The following IRS2 variants were observed in gnomAD, a reference collection of about 807,000 sequenced individuals.
The protein encoded by IRS2 is insulin receptor substrate 2.
IRS2 carries 28 observed loss-of-function variants against 70.9 expected under a neutral mutation model. That is an observed-to-expected ratio of 0.39 (90% CI 0.29 to 0.54). The LOEUF (loss-of-function observed/expected upper bound fraction) is 0.54. Ranked by LOEUF, IRS2 falls within the 20% of genes least tolerant of loss-of-function variation. IRS2 has a pLI of 0.59. For missense variants in IRS2, 2,081 were observed against 2,024.1 expected, an observed-to-expected ratio of 1.03 and a Z score of -0.54; for synonymous variants, 1,217 against 981.9, an observed-to-expected ratio of 1.24 and a Z score of -4.48.
Position 109,754,349 on chromosome 13 carries a change from C to T in IRS2, c.*1955G>A, listed in dbSNP as rs775498762. The T allele has an allele frequency of 2.3e-5, 5 of 215,836 alleles. No individual in the cohort carries two copies. The highest frequency in any genetic ancestry group is 7.0e-5 in the East Asian group (1 of 14,342). The allele number at this position is 215,836 out of a possible 1,614,324, so 13.4% of individuals were successfully genotyped here. On this transcript the variant is annotated 3_prime_UTR_variant, in exon 2 of 2. Coordinates refer to ENST00000375856, the MANE Select transcript of IRS2 (RefSeq NM_003749.3). ...CTTGTTTTAAGCTGCAGTATGAACA[C>T]GAACCATCTGTATAGTGTCATGACT... is the stretch of plus-strand genomic sequence containing the variant.
intron 1 of IRS2, among the ~76,000 whole-genome samples, chr13:109,781,639 CGGTCCGGACCCGAGGTCCTTCCAGA>C (rs1359373773): frequency 6.6e-6 from 1 of 152,176 alleles, no homozygotes; most frequent in Non-Finnish European, 1.5e-5. Flanking sequence ...CTGAGGGCAG[CGGTCCGGACCCGAGGTCCTTCCAGA>C]AGGACGGACC....
intron 1 of IRS2, among the ~76,000 whole-genome samples, chr13:109,757,876 T>A (rs971773575): frequency 2.0e-5 from 3 of 152,140 alleles, no homozygotes; most frequent in Non-Finnish European, 4.4e-5. Flanking sequence ...GAGACGGGGT[T>A]TCACCATGCT....
intron 1 of IRS2, among the ~76,000 whole-genome samples, chr13:109,769,045 T>C (rs1038261728): frequency 1.3e-5 from 2 of 152,246 alleles, no homozygotes; most frequent in African/African-American, 4.8e-5. Context: ...AAACTTGTGC[T>C]TTTGTTTTGC....
rs748357916 is a variant in IRS2 at position 109,783,880 on chromosome 13, C to A, written c.2174G>T (p.Gly725Val). 5.4e-5 allele frequency: 83 copies of A among 1,549,588 alleles called. No homozygotes were observed. Among genetic ancestry groups the A allele is most frequent in the Admixed American group, 3.7e-4 (19 of 51,244 alleles). Residue 725 changes from glycine to valine, a missense_variant, in exon 1 of 2, where the codon GGC becomes GTC. Gly to Val is a moderately radical substitution (Grantham distance 109). Transcript: ENST00000375856. ...GGCGGGCGAGCTGGCCTTGTAGCCG[C>A]CCCCGCTCGCCGGGAATGTCCTGCC... ...AAGRTFPASG[G>V]GYKASSPAES...
intron 1 of IRS2, among the ~76,000 whole-genome samples, chr13:109,768,566 C>A (rs575305952): frequency 4.3e-4 from 65 of 152,346 alleles, no homozygotes; most frequent in Non-Finnish European, 5.9e-4. Flanking sequence ...TTTTCATTTC[C>A]AAATTAGCTG....
At chr13:109,761,087 T>A (rs1214583025) in intron 1 of IRS2, among the ~76,000 whole-genome samples, 1 of 152,222 alleles carries the variant, frequency 6.6e-6, no homozygotes, top group African/African-American at 2.4e-5. Context: ...TACATTTCGA[T>A]GTTCAAAATC....
intron 1 of IRS2, among the ~76,000 whole-genome samples, chr13:109,773,665 A>T (rs1024489875): frequency 1.3e-5 from 2 of 152,214 alleles, no homozygotes; most frequent in Non-Finnish European, 2.9e-5. Context: ...CACCGTCCAC[A>T]TAGTCATGAA....
rs773985290 is a variant in IRS2, at chr13:109,784,079, C to T, written c.1975G>A (p.Gly659Ser). 6.3e-6 allele frequency: 10 copies of T among 1,580,404 alleles called. No individual in the cohort carries two copies. The East Asian group carries it at 2.1e-4, about 32-fold the overall frequency. ...ADDGYMPMTP[G>S]AALAGSGSGS... ...CTCCCACTGCCCGCGAGGGCCGCGCCGGGCGTCATGGGCATGTAGCCGTCG... is the reference window on the plus strand; with the variant it reads ...CTCCCACTGCCCGCGAGGGCCGCGCTGGGCGTCATGGGCATGTAGCCGTCG... The change falls in exon 1 of 2, where the codon GGC becomes AGC. Residue 659 changes from glycine to serine, a missense_variant. By Grantham distance (56) the Gly-to-Ser change is moderately conservative. Around this residue, in one of 4 missense-constraint regions of IRS2, gnomAD observed 1,615 missense variants for 1,459.5 expected, o/e 1.11. Transcript: ENST00000375856. This position sits in a 1 kb window ranked among gnomAD's most constrained non-coding sequence, Gnocchi z 5.2.
intron 1 of IRS2, among the ~76,000 whole-genome samples, chr13:109,756,599 T>C (rs1410079687): frequency 6.6e-6 from 1 of 152,230 alleles, no homozygotes; most frequent in African/African-American, 2.4e-5. Flanking sequence ...TGAATCATTC[T>C]GTCGAACAAG....
At chr13:109,778,225 TG>T (rs1439138983) in intron 1 of IRS2, among the ~76,000 whole-genome samples, 1 of 152,184 alleles carries the variant, frequency 6.6e-6, no homozygotes, top group Non-Finnish European at 1.5e-5. Flanking sequence ...ACAGGGAAAG[TG>T]AGAAGGCAGG....
intron 1 of IRS2, among the ~76,000 whole-genome samples, chr13:109,768,374 C>G (rs551369495): frequency 1.3e-5 from 2 of 152,322 alleles, no homozygotes; most frequent in East Asian, 3.9e-4. Flanking sequence ...CTTTCCTCAC[C>G]AGCAGGCTAA....
intron 1 of IRS2, among the ~76,000 whole-genome samples, chr13:109,765,105 C>G (rs1052398541): frequency 6.6e-6 from 1 of 152,134 alleles, no homozygotes; most frequent in African/African-American, 2.4e-5. Context: ...ACAGGCTGGG[C>G]TCCGCCTGGT....
intron 1 of IRS2, among the ~76,000 whole-genome samples, chr13:109,764,941 A>C (rs1229683394): frequency 1.3e-5 from 2 of 152,242 alleles, no homozygotes; most frequent in African/African-American, 2.4e-5. Context: ...AAAGCTGCAA[A>C]GAGTGCCTTT....
chr13:109,772,688 A>T (rs1443597948), intron 1 of IRS2, among the ~76,000 whole-genome samples: 11 of 130,900 alleles, frequency 8.4e-5, no homozygotes, highest in South Asian at 2.5e-4. Context: ...TGCCTATTAC[A>T]TTTTTTTTTT....
rs375324802 is a variant in IRS2, at chr13:109,755,214, C to CTT, written c.*1088_*1089dup. On this transcript the variant is annotated 3_prime_UTR_variant, in exon 2 of 2. Transcript: ENST00000375856. The stretch of plus-strand genomic sequence containing the variant: ...CTCTTTTTATCAGTTTCTTTCTTTC[C>CTT]TTTTTTTTTTTTCTTTTTGTTTTTT... 0.66 allele frequency: 136,605 copies of CTT among 208,284 alleles called. 39,836 individuals carry two copies. The highest frequency in any genetic ancestry group is 0.77 in the Admixed American group (12,364 of 16,066). 12.9% of individuals were successfully genotyped at this position (208,284 alleles called of 1,614,324 possible).
chr13:109,762,188 A>G (rs1203570017), intron 1 of IRS2, among the ~76,000 whole-genome samples: 1 of 152,222 alleles, frequency 6.6e-6, no homozygotes, highest in African/African-American at 2.4e-5. Context: ...TGCCATGTGC[A>G]TGAAGTGAGC....
intron 1 of IRS2, among the ~76,000 whole-genome samples, chr13:109,775,404 C>A (rs906591569): frequency 2.0e-5 from 3 of 152,016 alleles, no homozygotes; most frequent in Admixed American, 2.0e-4. Context: ...CAGGCATGAG[C>A]CACCAAGCTC....
rs2138936711 is a variant in IRS2, at chr13:109,784,750, A to G, written c.1304T>C (p.Val435Ala). The change falls in exon 1 of 2, where the codon GTG becomes GCG. Residue 435 changes from valine (V) to alanine (A), a missense_variant. Physicochemically the swap from Val to Ala is moderately conservative, Grantham distance 64. Around this residue, in one of 4 missense-constraint regions of IRS2, gnomAD observed 1,615 missense variants for 1,459.5 expected, o/e 1.11. Coordinates refer to ENST00000375856, the MANE Select transcript of IRS2 (RefSeq NM_003749.3). This position sits in a 1 kb window ranked among gnomAD's most constrained non-coding sequence, Gnocchi z 5.2. ...GGTGGCGGCGGGCGGCGAGTGCGCC[A>G]CGGGCATGGACATGGAGCGGCTGTG... ...LQHSRSMSMP[V>A]AHSPPAATSP... 1 of 1,230,606 alleles carries G rather than the reference A, an allele frequency of 8.1e-7. No homozygotes were observed. Among genetic ancestry groups the G allele is most frequent in the Non-Finnish European group, 1.0e-6 (1 of 986,808 alleles). The allele number at this position is 1,230,606 out of a possible 1,614,324, so 76.2% of individuals were successfully genotyped here. A position where few individuals can be genotyped will look rare whatever the true frequency, so the allele number is the denominator to read the frequency against.
Position 109,774,107 on chromosome 13 carries a change from C to G in IRS2, c.4012+7935G>C, listed in dbSNP as rs190362114. On this transcript the variant is annotated intron_variant, in intron 1 of 1. Transcript: ENST00000375856. ...CTTGTATATTTTTTTCGTATTGTCACCACCTGAGTTGCAAGAGTTTTAATG... is the reference window on the plus strand; with the variant it reads ...CTTGTATATTTTTTTCGTATTGTCAGCACCTGAGTTGCAAGAGTTTTAATG... Among the ~76,000 whole-genome samples, 30 of 152,308 alleles carry G rather than the reference C, an allele frequency of 2.0e-4. No homozygotes were observed. The East Asian group carries it at 5.6e-3, about 28-fold the overall frequency.
Sources: allele counts gnomAD v4.1 joint callset (sites outside exome capture counted in the v4.1 genomes callset), GRCh38; gene constraint gnomAD v4.1.1; regional missense constraint gnomAD v4.1.1; non-coding constraint Gnocchi (gnomAD v3.1); transcripts MANE v1.5; gene names NCBI Gene and HGNC (gene_info 2026-07-23, HGNC 2026-07-21).